PLK5: variants seen among roughly 807,000 people sequenced by gnomAD.
PLK5 encodes the protein inactive serine/threonine-protein kinase PLK5.
A neutral mutation model predicts 33.7 loss-of-function variants in PLK5; 28 were observed. That is an observed-to-expected ratio of 0.83 (90% confidence interval 0.62 to 1.14). PLK5 has a LOEUF of 1.14. Among genes scored for constraint, PLK5 ranks in the 50% most tolerant of loss-of-function variants. PLK5 has a pLI of 0.00. For synonymous variants in PLK5, 225 were observed against 202.2 expected (o/e 1.11, Z -0.96); for missense variants, 492 against 461.5 (o/e 1.07, Z -0.61).
At position 1,526,944 on chromosome 19, in the gene PLK5, TC is replaced by T; in HGVS notation, c.-52del. ...CCTAACTTCCTGGACCCTGAGGTTG[TC>T]TCCAGAAACGGTCACTCCTGCCAGT... On this transcript the variant is annotated 5_prime_UTR_variant, in exon 6 of 14. It removes the in-frame stop codon of an upstream open reading frame in the 5' UTR. Coordinates refer to ENST00000454744, the MANE Select transcript of PLK5 (RefSeq NM_001243079.2). 6.5e-7 allele frequency: 1 copy of T among 1,532,506 alleles called. No individual in the cohort carries two copies. Among genetic ancestry groups the T allele is most frequent in the Non-Finnish European group, 8.7e-7 (1 of 1,144,496 alleles). 94.9% of individuals were successfully genotyped at this position (1,532,506 alleles called of 1,614,324 possible). A position where few individuals can be genotyped will look rare whatever the true frequency, so the allele number is the denominator to read the frequency against.
chr19:1,527,605 A>G (rs1179849452), intron 6 of PLK5, among the ~76,000 whole-genome samples: 1 of 151,836 alleles, frequency 6.6e-6, no homozygotes, highest in Non-Finnish European at 1.5e-5. Flanking sequence ...CTGTCTTTAA[A>G]AAAAAAAAAT....
At position 1,535,303 on chromosome 19, in the gene PLK5, T is replaced by G. The variant is rs568409956; in HGVS notation, c.*53T>G. The G allele has an allele frequency of 2.2e-5, 32 of 1,480,092 alleles. 2 individuals carry two copies. In the East Asian group the frequency reaches 4.2e-4, roughly 19 times the overall value. 91.7% of individuals were successfully genotyped at this position (1,480,092 alleles called of 1,614,324 possible). On this transcript the variant is annotated 3_prime_UTR_variant, in exon 14 of 14. Coordinates refer to ENST00000454744, the MANE Select transcript of PLK5 (RefSeq NM_001243079.2). ...GCATGGTAGTGCCAGGGACCCAGGC[T>G]CCATTTCCATTCCTGTGGCTCCCCC...
intron 12 of PLK5, among the ~76,000 whole-genome samples, chr19:1,533,013 A>ACTTG (rs1190958751): frequency 1.3e-5 from 2 of 149,966 alleles, no homozygotes; most frequent in Non-Finnish European, 3.0e-5. Context: ...ATGCATCAGT[A>ACTTG]GGTCCCAGCT....
At chr19:1,533,071 G>A (rs551095902) in intron 12 of PLK5, among the ~76,000 whole-genome samples, 3 of 152,170 alleles carry the variant, frequency 2.0e-5, no homozygotes, top group Middle Eastern at 3.4e-3. Context: ...GGAGGTCAAG[G>A]CTCCAGTGAG....
Position 1,533,004 on chromosome 19 carries a change from T to G in PLK5, c.715-927T>G, listed in dbSNP as rs1913977707. On this transcript the variant is annotated intron_variant, in intron 12 of 13. Coordinates refer to ENST00000454744, the MANE Select transcript of PLK5 (RefSeq NM_001243079.2). ...TTTAAATTAGCCAACTGCAAGGGTATGCATCAGTAGGTCCCAGCTACTTGG... is the reference window on the plus strand; with the variant it reads ...TTTAAATTAGCCAACTGCAAGGGTAGGCATCAGTAGGTCCCAGCTACTTGG... Among the ~76,000 whole-genome samples, 15 of 149,810 alleles carry G rather than the reference T, an allele frequency of 1.0e-4. No homozygotes were observed. The Admixed American group carries it at 1.0e-3, about 10-fold the overall frequency.
chr19:1,526,691 C>A lies in PLK5; in HGVS notation c.-182-13C>A. The A allele has an allele frequency of 2.1e-6, 1 of 465,682 alleles. No homozygotes were observed. 28.8% of individuals were successfully genotyped at this position (465,682 alleles called of 1,614,324 possible). A position where few individuals can be genotyped will look rare whatever the true frequency, so the allele number is the denominator to read the frequency against. ...GGATCCACCCCCATGCGCAATGCCC[C>A]TCCCACTGCCAGGTAACTTCTTCCT... On this transcript the variant is annotated splice_polypyrimidine_tract_variant and intron_variant, in intron 4 of 13. Coordinates refer to ENST00000454744, the MANE Select transcript of PLK5 (RefSeq NM_001243079.2).
rs967384597 is a variant in PLK5 at position 1,533,969 on chromosome 19, C to T, written c.753C>T (p.Pro251=). The T allele has an allele frequency of 1.7e-5, 26 of 1,534,852 alleles. No homozygotes were observed. The highest frequency in any genetic ancestry group is 2.7e-5 in the African/African-American group (2 of 72,990). Residue 251 remains proline, a synonymous_variant, in exon 13 of 14, where the codon CCC becomes CCT. Transcript: ENST00000454744. ...TLPTPVPPAG[P]GLCLLRFLAS... The stretch of plus-strand genomic sequence containing the variant: ...CCACACCTGTGCCACCTGCTGGACC[C>T]GGCCTCTGCCTCCTGCGCTTCCTGG...
At position 1,531,722 on chromosome 19, in the gene PLK5, CTT is replaced by C; in HGVS notation, c.569-14_569-13del. 6.5e-7 allele frequency: 1 copy of C among 1,536,716 alleles called. No homozygotes were observed. The highest frequency in any genetic ancestry group is 1.2e-5 in the South Asian group (1 of 84,052). On this transcript the variant is annotated splice_polypyrimidine_tract_variant and intron_variant, in intron 11 of 13. Transcript: ENST00000454744. ...ACCCCTGACCCCTGGCTCAGCATAC[CTT>C]TGTTTGTGCCCAGCCACACAGGACC... is the stretch of plus-strand genomic sequence containing the variant.
chr19:1,533,868 GTGT>G, intron 12 of PLK5, 60 bp from the exon 13 acceptor site: 1 of 1,276,426 alleles, frequency 7.8e-7, no homozygotes, highest in South Asian at 1.3e-5. Context: ...GGGGTGCTGG[GTGT>G]GGGGGCGAGG....
rs1255988405 is a variant in PLK5 at position 1,528,324 on chromosome 19, C to T, written c.224C>T (p.Pro75Leu). ...FTQGFTPDRL[P>L]AHSCHSPPIF... ...AAGGGTTTCACTCCAGACCGGCTGC[C>T]GGCCCACTCCTGCCACAGTCCCCCC... Residue 75 changes from proline to leucine, a missense_variant, in exon 8 of 14, where the codon CCG becomes CTG. Physicochemically the swap from Pro to Leu is moderately conservative, Grantham distance 98. Transcript: ENST00000454744. 1.0e-5 allele frequency: 16 copies of T among 1,535,682 alleles called. No homozygotes were observed. The highest frequency in any genetic ancestry group is 3.6e-5 in the South Asian group (3 of 84,066).
Position 1,535,473 on chromosome 19 carries a change from C to A in PLK5, c.*223C>A. 5.5e-6 allele frequency: 3 copies of A among 544,850 alleles called. No homozygotes were observed. The allele number at this position is 544,850 out of a possible 1,614,324, so 33.8% of individuals were successfully genotyped here. A position where few individuals can be genotyped will look rare whatever the true frequency, so the allele number is the denominator to read the frequency against. ...AAATGCTGTAGGCCATGGTCTGCCT[C>A]TCTTTGGGGGAAAGCGTTTGAGGAG... On this transcript the variant is annotated 3_prime_UTR_variant, in exon 14 of 14. Transcript: ENST00000454744.
Position 1,526,791 on chromosome 19 carries a change from G to C in PLK5, c.-95G>C. On this transcript the variant is annotated splice_region_variant and 5_prime_UTR_variant, in exon 5 of 14. Transcript: ENST00000454744. ...GTGGGGCCAGGGGGCCGCTGCCACAGGTGAGAGCCGGGGGGAGGGCTCTGA... is the reference window on the plus strand; with the variant it reads ...GTGGGGCCAGGGGGCCGCTGCCACACGTGAGAGCCGGGGGGAGGGCTCTGA... The C allele has an allele frequency of 1.6e-6, 1 of 633,198 alleles. No individual in the cohort carries two copies. Among genetic ancestry groups the C allele is most frequent in the Non-Finnish European group, 2.8e-6 (1 of 362,150 alleles). 39.2% of individuals were successfully genotyped at this position (633,198 alleles called of 1,614,324 possible).
intron 11 of PLK5, among the ~76,000 whole-genome samples, chr19:1,530,581 C>T (rs1414379764): frequency 1.4e-5 from 2 of 138,946 alleles, no homozygotes; most frequent in African/African-American, 2.7e-5. Context: ...TTACAGACGT[C>T]GTCAGCCACC....
intron 12 of PLK5, 69 bp downstream of exon 12, chr19:1,531,952 G>A (rs981041903): frequency 6.4e-6 from 9 of 1,411,060 alleles, no homozygotes; most frequent in Non-Finnish European, 8.3e-6. Context: ...CATCTCTCAA[G>A]TATTTATTAA....
intron 13 of PLK5, 118 bp from the exon 14 acceptor site, chr19:1,534,947 A>G: frequency 1.0e-6 from 1 of 955,896 alleles, no homozygotes; most frequent in Non-Finnish European, 1.5e-6. Flanking sequence ...TGGGGCAGGC[A>G]CTAGGGGCCA....
At chr19:1,527,777 A>G (rs1159385930) in intron 6 of PLK5, among the ~76,000 whole-genome samples, 159 bp from the exon 7 acceptor site, 1 of 152,086 alleles carries the variant, frequency 6.6e-6, no homozygotes, top group Non-Finnish European at 1.5e-5. Context: ...AGCAGCGTGC[A>G]TGGGACTGCA....
In PLK5 at chr19:1,526,878, G is replaced by A; in HGVS notation, c.-94-25G>A. 5.5e-6 allele frequency: 7 copies of A among 1,280,632 alleles called. No individual in the cohort carries two copies. In the South Asian group the frequency reaches 8.9e-5, roughly 16 times the overall value. 79.3% of individuals were successfully genotyped at this position (1,280,632 alleles called of 1,614,324 possible). On this transcript the variant is annotated intron_variant, in intron 5 of 13. Coordinates refer to ENST00000454744, the MANE Select transcript of PLK5 (RefSeq NM_001243079.2). ...CTGGCACGGGGATCCCAGCCTTCCT[G>A]AGCCCCCCATGACGCCCTTCCTAGA...
chr19:1,534,687 G>T, intron 13 of PLK5, among the ~76,000 whole-genome samples: 1 of 148,840 alleles, frequency 6.7e-6, no homozygotes, highest in Non-Finnish European at 1.5e-5. Flanking sequence ...CGTGGTGGCG[G>T]GCGCCTGTAG....
At chr19:1,531,100 C>T (rs1369907818) in intron 11 of PLK5, among the ~76,000 whole-genome samples, 1 of 149,418 alleles carries the variant, frequency 6.7e-6, no homozygotes, top group Non-Finnish European at 1.5e-5. Context: ...GAAAAGCCAA[C>T]AGACAAACAA....
Sources: gnomAD v4.1 joint callset for allele counts (sites outside exome capture counted in the v4.1 genomes callset) on GRCh38, gnomAD v4.1.1 for gene constraint, MANE v1.5 for transcripts, NCBI Gene and HGNC (gene_info 2026-07-23, HGNC 2026-07-21) for gene names.